The following ITGB1BP1 variants were observed in gnomAD, a reference collection of about 807,000 sequenced individuals.
ITGB1BP1 encodes integrin subunit beta 1 binding protein 1, also known as integrin beta-1-binding protein 1.
Under a neutral mutation model 28.0 loss-of-function variants are expected in ITGB1BP1, and 20 were observed. That is an observed-to-expected ratio of 0.71 (90% CI 0.50 to 1.04). The LOEUF (loss-of-function observed/expected upper bound fraction) is 1.04, where lower values mean the gene tolerates loss of function less well. ITGB1BP1 is among the 50% of genes least tolerant of loss of function. The pLI, the probability that ITGB1BP1 is intolerant of heterozygous loss-of-function variation, is 0.00. For synonymous variants in ITGB1BP1, 103 were observed against 89.5 expected, an observed-to-expected ratio of 1.15 and a Z score of -0.85; for missense variants, 228 against 242.5, an observed-to-expected ratio of 0.94 and a Z score of 0.40.
At chr2:9,414,458 CTGTT>C (rs1346809058) in intron 2 of ITGB1BP1, among the ~76,000 whole-genome samples, 2 of 152,244 alleles carry the variant, frequency 1.3e-5, no homozygotes, top group Non-Finnish European at 2.9e-5. Flanking sequence ...ATAATCCCAA[CTGTT>C]CGTTCGTCCC....
intron 1 of ITGB1BP1, among the ~76,000 whole-genome samples, chr2:9,419,320 A>G (rs1488468397): frequency 6.6e-6 from 1 of 152,210 alleles, no homozygotes; most frequent in Non-Finnish European, 1.5e-5. Context: ...CTTCTCTTCA[A>G]TTGAGTCAAG....
At chr2:9,418,526 C>G (rs1005318174) in intron 2 of ITGB1BP1, 100 bp downstream of exon 2, 2 of 828,004 alleles carry the variant, frequency 2.4e-6, no homozygotes. Flanking sequence ...TGAAGATTAT[C>G]AGGAGATCTG....
In ITGB1BP1 at chr2:9,423,492, C is replaced by T; in HGVS notation, c.-155G>A. 1 of 1,203,178 alleles carries T rather than the reference C, an allele frequency of 8.3e-7. No homozygotes were observed. The highest frequency in any genetic ancestry group is 1.1e-6 in the Non-Finnish European group (1 of 951,658). 74.5% of individuals were successfully genotyped at this position (1,203,178 alleles called of 1,614,324 possible). ...CTCCAGCGCCGGCTTTTCCAGCCCT[C>T]CTGCCCACGTCCGCCGGGCCGCGCC... On this transcript the variant is annotated 5_prime_UTR_variant, in exon 1 of 7. Coordinates refer to ENST00000355346, the MANE Select transcript of ITGB1BP1 (RefSeq NM_004763.5).
intron 4 of ITGB1BP1, among the ~76,000 whole-genome samples, chr2:9,408,583 AC>A (rs1167148396): frequency 1.3e-5 from 2 of 152,010 alleles, no homozygotes; most frequent in Admixed American, 6.5e-5. Context: ...TAAGTGATCC[AC>A]CCACCATAAC....
At position 9,406,477 on chromosome 2, in the gene ITGB1BP1, GTT is replaced by G. The variant is rs1196599431; in HGVS notation, c.*355_*356del. The G allele has an allele frequency of 3.3e-4, 32 of 98,436 alleles. 1 individual carries two copies. Among genetic ancestry groups the G allele is most frequent in the African/African-American group, 1.3e-3 (26 of 19,964 alleles). The allele number at this position is 98,436 out of a possible 1,614,324, so 6.1% of individuals were successfully genotyped here. ...AGTCTTCCTCAGGCCTTCAGTGTGT[GTT>G]TGTCACTGAGTGGACCTCTGTGACA... On this transcript the variant is annotated 3_prime_UTR_variant, in exon 7 of 7. Coordinates refer to ENST00000355346, the MANE Select transcript of ITGB1BP1 (RefSeq NM_004763.5).
chr2:9,410,433 C>T (rs952069451), intron 4 of ITGB1BP1, among the ~76,000 whole-genome samples: 2 of 151,728 alleles, frequency 1.3e-5, no homozygotes, highest in Admixed American at 6.6e-5. Context: ...GGGGGTCTTG[C>T]CCAGGCTGGT....
At chr2:9,417,486 C>T (rs1367429329) in intron 2 of ITGB1BP1, among the ~76,000 whole-genome samples, 1 of 151,936 alleles carries the variant, frequency 6.6e-6, no homozygotes, top group African/African-American at 2.4e-5. Flanking sequence ...GTGGTGTGAT[C>T]TCAGCTCACT....
chr2:9,403,822 C>T lies in ITGB1BP1; in HGVS notation c.*3012G>A, dbSNP rs1676953159. ...TTAAAGACACACATTCCTTTGAAAT[C>T]CACCCAGTGTTTAAAAAGCAACTTG... On this transcript the variant is annotated 3_prime_UTR_variant, in exon 7 of 7. Coordinates refer to ENST00000355346, the MANE Select transcript of ITGB1BP1 (RefSeq NM_004763.5). The T allele has an allele frequency of 6.5e-6, 1 of 154,870 alleles. No homozygotes were observed. 9.6% of individuals were successfully genotyped at this position (154,870 alleles called of 1,614,324 possible).
rs1679028403 is a variant in ITGB1BP1, at chr2:9,415,621, G to A, written c.73-1365C>T. ...ACAAGACATTGGGCCACACAGATGA[G>A]ATTTCCCTGTAGGGTCCCCACGCTT... is the stretch of plus-strand genomic sequence containing the variant. On this transcript the variant is annotated intron_variant, in intron 2 of 6. Coordinates refer to ENST00000355346, the MANE Select transcript of ITGB1BP1 (RefSeq NM_004763.5). The surrounding 1 kb of genome is among the most constrained non-coding windows in gnomAD (Gnocchi z 4.1). Among the ~76,000 whole-genome samples the A allele has an allele frequency of 6.6e-6, 1 of 152,148 alleles. No individual in the cohort carries two copies. Among genetic ancestry groups the A allele is most frequent in the Admixed American group, 6.5e-5 (1 of 15,272 alleles).
At chr2:9,418,792 T>TTA in intron 1 of ITGB1BP1, 60 bp from the exon 2 acceptor site, 1 of 1,257,086 alleles carries the variant, frequency 8.0e-7, no homozygotes. Context: ...TTTTTTTTTT[T>TTA]TTAAGAGACA....
At chr2:9,410,785 CAG>C (rs1678267429) in intron 4 of ITGB1BP1, among the ~76,000 whole-genome samples, 1 of 152,122 alleles carries the variant, frequency 6.6e-6, no homozygotes, top group African/African-American at 2.4e-5. Context: ...CTGTGTTGCC[CAG>C]GCTGGCTTTG....
chr2:9,414,525 G>A (rs1252482537), intron 2 of ITGB1BP1, among the ~76,000 whole-genome samples: 1 of 152,040 alleles, frequency 6.6e-6, no homozygotes, highest in Non-Finnish European at 1.5e-5. Flanking sequence ...GATTTAAATC[G>A]AAGCCATTAC....
In ITGB1BP1 at chr2:9,403,966, G is replaced by C. The variant is rs940700987; in HGVS notation, c.*2868C>G. On this transcript the variant is annotated 3_prime_UTR_variant, in exon 7 of 7. Coordinates refer to ENST00000355346, the MANE Select transcript of ITGB1BP1 (RefSeq NM_004763.5). Reference sequence around the variant, plus strand: ...AATCATACTTAACAAAACTACTGATGGTTTATGACAACGTAGGGTAACTAC... The same window carrying C: ...AATCATACTTAACAAAACTACTGATCGTTTATGACAACGTAGGGTAACTAC... The C allele has an allele frequency of 4.6e-5, 7 of 152,234 alleles. No individual in the cohort carries two copies. Among genetic ancestry groups the C allele is most frequent in the African/African-American group, 1.7e-4 (7 of 41,448 alleles). The allele number at this position is 152,234 out of a possible 1,614,324, so 9.4% of individuals were successfully genotyped here.
chr2:9,403,637 A>G lies in ITGB1BP1; in HGVS notation c.*3197T>C, dbSNP rs780302231. 3.2e-5 allele frequency: 9 copies of G among 278,384 alleles called. No homozygotes were observed. Among genetic ancestry groups the G allele is most frequent in the Non-Finnish European group, 5.4e-5 (8 of 148,468 alleles). 17.2% of individuals were successfully genotyped at this position (278,384 alleles called of 1,614,324 possible). Reference sequence around the variant, plus strand: ...TCTACGGAATTAGCTAAACCTAAAAATGTTTGCATTAATGAATAAATTCTT... The same window carrying G: ...TCTACGGAATTAGCTAAACCTAAAAGTGTTTGCATTAATGAATAAATTCTT... On this transcript the variant is annotated 3_prime_UTR_variant, in exon 7 of 7. Coordinates refer to ENST00000355346, the MANE Select transcript of ITGB1BP1 (RefSeq NM_004763.5).
At chr2:9,411,643 A>C (rs1458702421) in intron 4 of ITGB1BP1, among the ~76,000 whole-genome samples, 1 of 152,082 alleles carries the variant, frequency 6.6e-6, no homozygotes, top group Non-Finnish European at 1.5e-5. Context: ...GAATCGCTTA[A>C]ACCCGGAAGG....
chr2:9,415,389 A>C lies in ITGB1BP1; in HGVS notation c.73-1133T>G, dbSNP rs576557522. Among the ~76,000 whole-genome samples the C allele has an allele frequency of 6.6e-6, 1 of 152,126 alleles. No individual in the cohort carries two copies. The highest frequency in any genetic ancestry group is 2.1e-4 in the South Asian group (1 of 4,806). ...AGTGAAACTCCATCTCAAAACAAAC[A>C]AACAAAAACACACACACAAAAAAAA... is the stretch of plus-strand genomic sequence containing the variant. On this transcript the variant is annotated intron_variant, in intron 2 of 6. Coordinates refer to ENST00000355346, the MANE Select transcript of ITGB1BP1 (RefSeq NM_004763.5). This position sits in a 1 kb window ranked among gnomAD's most constrained non-coding sequence, Gnocchi z 4.1.
Position 9,415,495 on chromosome 2 carries a change from C to T in ITGB1BP1, c.73-1239G>A, listed in dbSNP as rs900456657. ...ATTTGGCAGGCTGAGGCAGGAGAATCGCTTGAACCCACAGGCAGAGGTTGC... is the reference window on the plus strand; with the variant it reads ...ATTTGGCAGGCTGAGGCAGGAGAATTGCTTGAACCCACAGGCAGAGGTTGC... On this transcript the variant is annotated intron_variant, in intron 2 of 6. Coordinates refer to ENST00000355346, the MANE Select transcript of ITGB1BP1 (RefSeq NM_004763.5). This position sits in a 1 kb window ranked among gnomAD's most constrained non-coding sequence, Gnocchi z 4.1. 4.0e-5 allele frequency among the ~76,000 whole-genome samples: 6 copies of T among 151,744 alleles called. No individual in the cohort carries two copies. The highest frequency in any genetic ancestry group is 1.9e-4 in the East Asian group (1 of 5,168).
intron 1 of ITGB1BP1, chr2:9,423,130 G>C: frequency 3.0e-6 from 3 of 1,009,800 alleles, no homozygotes; most frequent in Non-Finnish European, 3.6e-6. Flanking sequence ...CCCCTCCGGG[G>C]CGACAGCGGC....
intron 4 of ITGB1BP1, among the ~76,000 whole-genome samples, chr2:9,409,027 G>C (rs757526554): frequency 6.6e-6 from 1 of 152,226 alleles, no homozygotes; most frequent in Admixed American, 6.5e-5. Context: ...GTGATGCCAC[G>C]CCTCAGGGCT....
Sources: allele counts gnomAD v4.1 joint callset (sites outside exome capture counted in the v4.1 genomes callset), GRCh38; gene constraint gnomAD v4.1.1; non-coding constraint Gnocchi (gnomAD v3.1); transcripts MANE v1.5; gene names NCBI Gene and HGNC (gene_info 2026-07-23, HGNC 2026-07-21).